ACOT11: variants seen among roughly 807,000 people sequenced by gnomAD.
The protein encoded by ACOT11 is acyl-CoA thioesterase 11, also known as acyl-coenzyme A thioesterase 11.
In ACOT11, 69 loss-of-function variants were observed where a neutral mutation model predicts 77.5. The observed-to-expected ratio is 0.89, with a 90% CI of 0.73 to 1.09. The LOEUF (loss-of-function observed/expected upper bound fraction) is 1.09. ACOT11 is among the 50% of genes least tolerant of loss of function. The pLI, the probability that ACOT11 is intolerant of heterozygous loss-of-function variation, is 0.00. For synonymous variants in ACOT11, 279 were observed against 313.0 expected, an observed-to-expected ratio of 0.89 and a Z score of 1.15; for missense variants, 766 against 813.7, an observed-to-expected ratio of 0.94 and a Z score of 0.71.
At chr1:54,555,045 G>A (rs1300903621) in intron 1 of ACOT11, among the ~76,000 whole-genome samples, 7 of 152,118 alleles carry the variant, frequency 4.6e-5, no homozygotes, top group Non-Finnish European at 7.4e-5. Context: ...TGCAACCTCC[G>A]CCTCCCGGGT....
chr1:54,599,537 C>T (rs1643938681), intron 8 of ACOT11, 122 bp downstream of exon 8: 3 of 1,125,664 alleles, frequency 2.7e-6, no homozygotes, highest in Non-Finnish European at 3.5e-6. Flanking sequence ...GTCTAAATCC[C>T]TGCCTGGCTG....
At chr1:54,615,374 C>T (rs1425607896) in intron 15 of ACOT11, among the ~76,000 whole-genome samples, 1 of 152,048 alleles carries the variant, frequency 6.6e-6, no homozygotes, top group African/African-American at 2.4e-5. Context: ...CACACTTTTT[C>T]CTGAGGACAA....
intron 3 of ACOT11, among the ~76,000 whole-genome samples, chr1:54,587,374 C>T (rs56797284): frequency 1.3e-5 from 2 of 151,284 alleles, no homozygotes; most frequent in Non-Finnish European, 2.9e-5. Flanking sequence ...ATTAGCCGGG[C>T]GTGGTGGGGA....
At chr1:54,587,547 A>T (rs1654547556) in intron 3 of ACOT11, among the ~76,000 whole-genome samples, 2 of 122,492 alleles carry the variant, frequency 1.6e-5, no homozygotes, top group African/African-American at 3.2e-5. Flanking sequence ...CTGGTTTGTA[A>T]TCCTTTTTTT....
chr1:54,624,376 C>T (rs1474369239), intron 15 of ACOT11, among the ~76,000 whole-genome samples: 3 of 127,628 alleles, frequency 2.4e-5, no homozygotes, highest in South Asian at 2.4e-4. Flanking sequence ...GGTGGAGGGG[C>T]AGGGTGGGAG....
At chr1:54,591,664 C>A (rs1462397875) in intron 3 of ACOT11, among the ~76,000 whole-genome samples, 1 of 152,220 alleles carries the variant, frequency 6.6e-6, no homozygotes, top group African/African-American at 2.4e-5. Context: ...ACCCTCTGCC[C>A]CCTCCATTAG....
chr1:54,607,930 TC>T lies in ACOT11; in HGVS notation c.1503-10del. On this transcript the variant is annotated splice_polypyrimidine_tract_variant and intron_variant, in intron 14 of 15. Coordinates refer to ENST00000343744, the MANE Select transcript of ACOT11 (RefSeq NM_147161.4). This position sits in a 1 kb window ranked among gnomAD's most constrained non-coding sequence, Gnocchi z 4.5. ...CTGACCCCTGTCCCCTTGCTACCCT[TC>T]CTTCACTCAGGGACCCCTATGTCAT... 1 of 1,613,520 alleles carries T rather than the reference TC, an allele frequency of 6.2e-7. No individual in the cohort carries two copies. The highest frequency in any genetic ancestry group is 1.1e-5 in the South Asian group (1 of 91,062).
intron 16 of ACOT11, among the ~76,000 whole-genome samples, chr1:54,631,697 G>A (rs1644300847): frequency 6.6e-6 from 1 of 152,238 alleles, no homozygotes; most frequent in Non-Finnish European, 1.5e-5. Context: ...ATCACTTCAG[G>A]TGGGGAACAA....
chr1:54,585,682 G>A (rs1396981238), intron 2 of ACOT11, among the ~76,000 whole-genome samples, 153 bp from the exon 3 acceptor site: 1 of 152,132 alleles, frequency 6.6e-6, no homozygotes, highest in Non-Finnish European at 1.5e-5. Flanking sequence ...GGTGCCCACG[G>A]TGAGGGGTGT....
intron 3 of ACOT11, among the ~76,000 whole-genome samples, chr1:54,587,873 C>T (rs548965494): frequency 2.6e-5 from 4 of 151,654 alleles, no homozygotes; most frequent in African/African-American, 9.7e-5. Context: ...CTTTGTAATA[C>T]CTTTTATTTT....
chr1:54,548,930 C>T (rs748793590), intron 1 of ACOT11, among the ~76,000 whole-genome samples: 1 of 152,142 alleles, frequency 6.6e-6, no homozygotes, highest in Non-Finnish European at 1.5e-5. Flanking sequence ...CTGAGGCACA[C>T]GGCAGACCCA....
intron 1 of ACOT11, among the ~76,000 whole-genome samples, chr1:54,566,490 T>A (rs1653737609): frequency 6.6e-6 from 1 of 150,756 alleles, no homozygotes; most frequent in African/African-American, 2.4e-5. Context: ...TGTGAATGTC[T>A]CTGTCAACCC....
chr1:54,618,595 T>C (rs1569797056), intron 15 of ACOT11, among the ~76,000 whole-genome samples: 1 of 151,052 alleles, frequency 6.6e-6, no homozygotes, highest in Non-Finnish European at 1.5e-5. Context: ...TGCTTGGGGG[T>C]GGGAAGTGAA....
At chr1:54,615,647 C>T (rs951938445) in intron 15 of ACOT11, among the ~76,000 whole-genome samples, 6 of 151,868 alleles carry the variant, frequency 4.0e-5, no homozygotes, top group Admixed American at 6.6e-5. Flanking sequence ...ATTATGGTGA[C>T]GCCTGGATTC....
At chr1:54,568,017 G>T (rs1159019728) in intron 1 of ACOT11, among the ~76,000 whole-genome samples, 3 of 152,186 alleles carry the variant, frequency 2.0e-5, no homozygotes, top group African/African-American at 7.2e-5. Context: ...ATGGGGCAGA[G>T]TCTGCTCTCT....
Position 54,548,556 on chromosome 1 carries a change from C to G in ACOT11, c.33+214C>G, listed in dbSNP as rs1287859515. On this transcript the variant is annotated intron_variant, in intron 1 of 15. Coordinates refer to ENST00000343744, the MANE Select transcript of ACOT11 (RefSeq NM_147161.4). ...CAAGCCCCAGGGGCTGTCAGATCCC[C>G]CACGGGCTGGCTGTGTAGAGTGGAA... The G allele has an allele frequency of 1.1e-5, 7 of 639,062 alleles. No homozygotes were observed. The East Asian group carries it at 2.0e-4, about 18-fold the overall frequency. The allele number at this position is 639,062 out of a possible 1,614,324, so 39.6% of individuals were successfully genotyped here. A position where few individuals can be genotyped will look rare whatever the true frequency, so the allele number is the denominator to read the frequency against.
In ACOT11 at chr1:54,607,891, A is replaced by G. The variant is rs775509704; in HGVS notation, c.1503-51A>G. The G allele has an allele frequency of 1.5e-5, 24 of 1,608,830 alleles. No homozygotes were observed. The highest frequency in any genetic ancestry group is 1.2e-5 in the Non-Finnish European group (14 of 1,176,998). ...CCTTGGTTGGGCAGAACAGGCCCCC[A>G]CTTTCTTCTGTGGCTGACCCCTGTC... is the stretch of plus-strand genomic sequence containing the variant. On this transcript the variant is annotated intron_variant, in intron 14 of 15. Coordinates refer to ENST00000343744, the MANE Select transcript of ACOT11 (RefSeq NM_147161.4). This position sits in a 1 kb window ranked among gnomAD's most constrained non-coding sequence, Gnocchi z 4.5.
intron 1 of ACOT11, among the ~76,000 whole-genome samples, chr1:54,553,932 G>A (rs115847516): frequency 0.044 from 6,751 of 152,094 alleles, 211 homozygotes; most frequent in Middle Eastern, 0.13. Flanking sequence ...CCAGTACTTC[G>A]GGAGGCTGAG....
At chr1:54,618,295 G>A (rs1266352574) in intron 15 of ACOT11, among the ~76,000 whole-genome samples, 1 of 152,138 alleles carries the variant, frequency 6.6e-6, no homozygotes, top group Non-Finnish European at 1.5e-5. Context: ...CTTGAGTTTA[G>A]GAGTTCGAGA....
Sources: allele counts gnomAD v4.1 joint callset (sites outside exome capture counted in the v4.1 genomes callset), GRCh38; gene constraint gnomAD v4.1.1; non-coding constraint Gnocchi (gnomAD v3.1); transcripts MANE v1.5; gene names NCBI Gene and HGNC (gene_info 2026-07-23, HGNC 2026-07-21).